ACTR3C: variants seen among roughly 807,000 people sequenced by gnomAD.
The protein encoded by ACTR3C is actin-related protein 3C.
A neutral mutation model predicts 26.3 loss-of-function variants in ACTR3C; 18 were observed. That is an observed-to-expected ratio of 0.68 (90% CI 0.47 to 1.01). ACTR3C has a LOEUF of 1.01. Ranked by LOEUF, ACTR3C falls within the 50% of genes least tolerant of loss-of-function variation. ACTR3C has a pLI of 0.00. For missense variants in ACTR3C, 184 were observed against 250.7 expected (o/e 0.73, Z 1.80); for synonymous variants, 55 against 94.5 (o/e 0.58, Z 2.42).
chr7:150,041,175 T>C, the ACTR3C span, among the ~76,000 whole-genome samples: 16 of 150,540 alleles, frequency 1.1e-4, no homozygotes, highest in African/African-American at 2.7e-4. Flanking sequence ...TTGCTGTTGT[T>C]GGGATCCCCA....
At chr7:149,928,945 C>T in the ACTR3C span, among the ~76,000 whole-genome samples, 1 of 152,154 alleles carries the variant, frequency 6.6e-6, no homozygotes, top group East Asian at 1.9e-4. Context: ...AACCCACTGA[C>T]AACAATGAGG....
the ACTR3C span, among the ~76,000 whole-genome samples, chr7:149,998,536 C>A: frequency 1.3e-5 from 2 of 148,902 alleles, no homozygotes; most frequent in African/African-American, 4.9e-5. Context: ...GTCCTTCACA[C>A]GGCAGCAGGA....
the ACTR3C span, among the ~76,000 whole-genome samples, chr7:150,161,813 A>G: frequency 6.6e-6 from 1 of 152,100 alleles, no homozygotes; most frequent in Non-Finnish European, 1.5e-5. Flanking sequence ...CCCAAGGATT[A>G]CCTTCCTTGG....
At chr7:150,039,181 C>CA in the ACTR3C span, among the ~76,000 whole-genome samples, 51 of 142,316 alleles carry the variant, frequency 3.6e-4, no homozygotes, top group East Asian at 2.3e-4. Context: ...TCTCAGTCCC[C>CA]GCCTCGCGGG....
chr7:149,981,017 T>C, the ACTR3C span, among the ~76,000 whole-genome samples: 1 of 150,994 alleles, frequency 6.6e-6, no homozygotes, highest in Non-Finnish European at 1.5e-5. Flanking sequence ...ACTGGTCAGC[T>C]CTGCAGGTGT....
the ACTR3C span, among the ~76,000 whole-genome samples, chr7:149,980,359 T>C: frequency 6.6e-6 from 1 of 152,196 alleles, no homozygotes; most frequent in Non-Finnish European, 1.5e-5. Context: ...CTGGGAGAAT[T>C]AGAAAATTTA....
intron 3 of ACTR3C, among the ~76,000 whole-genome samples, chr7:150,290,678 C>A (rs1266708722): frequency 6.6e-6 from 1 of 152,160 alleles, no homozygotes; most frequent in Non-Finnish European, 1.5e-5. Flanking sequence ...TTCTGATATA[C>A]CTAACTTCCA....
chr7:150,041,410 G>C, the ACTR3C span: 4 of 150,886 alleles, frequency 2.7e-5, 1 homozygote, highest in African/African-American at 1.0e-4. Context: ...GGTACCTGCC[G>C]TCGGAAGATT....
At chr7:149,957,899 C>T in the ACTR3C span, among the ~76,000 whole-genome samples, 1 of 152,058 alleles carries the variant, frequency 6.6e-6, no homozygotes, top group African/African-American at 2.4e-5. Flanking sequence ...AGAAGAGAGC[C>T]GCATAAATGG....
intron 6 of ACTR3C, among the ~76,000 whole-genome samples, chr7:150,280,818 G>GTATATA (rs1175868519): frequency 1.4e-5 from 2 of 141,038 alleles, no homozygotes; most frequent in African/African-American, 2.9e-5. Context: ...GTGTGTGTGT[G>GTATATA]TATATATATA....
chr7:150,056,651 G>C, the ACTR3C span, among the ~76,000 whole-genome samples: 1 of 151,626 alleles, frequency 6.6e-6, no homozygotes, highest in African/African-American at 2.4e-5. Flanking sequence ...CAACAACAGT[G>C]ACTCTCAGCT....
chr7:150,144,919 G>A, the ACTR3C span, among the ~76,000 whole-genome samples: 55 of 151,868 alleles, frequency 3.6e-4, no homozygotes, highest in African/African-American at 1.3e-3. This position sits in a 1 kb window ranked among gnomAD's most constrained non-coding sequence, Gnocchi z 4.6. Context: ...GCGTGGTGGC[G>A]TGCTCCTGTA....
the ACTR3C span, among the ~76,000 whole-genome samples, chr7:150,021,848 A>G: frequency 6.6e-6 from 1 of 151,550 alleles, no homozygotes; most frequent in Non-Finnish European, 1.5e-5. Context: ...TATATACCAC[A>G]TTTTCTTTCT....
the ACTR3C span, among the ~76,000 whole-genome samples, chr7:150,035,561 G>GA: frequency 2.6e-5 from 3 of 116,490 alleles, no homozygotes; most frequent in East Asian, 6.8e-4. Flanking sequence ...GGGGTCCGCA[G>GA]AGCCGGGGGG....
chr7:150,085,660 T>C, the ACTR3C span, among the ~76,000 whole-genome samples: 1 of 152,146 alleles, frequency 6.6e-6, no homozygotes, highest in Non-Finnish European at 1.5e-5. Context: ...GAACTTCAAG[T>C]GCCTGGATGA....
chr7:149,946,782 G>A, the ACTR3C span, among the ~76,000 whole-genome samples: 3 of 152,180 alleles, frequency 2.0e-5, no homozygotes. Context: ...CCCCGTGAAG[G>A]TGACATCATA....
At chr7:150,071,403 T>C in the ACTR3C span, among the ~76,000 whole-genome samples, 29 of 150,448 alleles carry the variant, frequency 1.9e-4, no homozygotes, top group Middle Eastern at 6.8e-3. Context: ...GGATTACAGG[T>C]GTGAGCCACT....
the ACTR3C span, among the ~76,000 whole-genome samples, chr7:150,090,997 C>G: frequency 6.6e-6 from 1 of 152,034 alleles, no homozygotes; most frequent in Non-Finnish European, 1.5e-5. Context: ...CATCCTTTCC[C>G]TTCTGAAAGG....
chr7:150,081,335 GA>G, the ACTR3C span, among the ~76,000 whole-genome samples: 1 of 151,524 alleles, frequency 6.6e-6, no homozygotes. Context: ...AAAGAAAAAG[GA>G]AGAAGGTAGA....
Sources: gnomAD v4.1 joint callset for allele counts (sites outside exome capture counted in the v4.1 genomes callset) on GRCh38, gnomAD v4.1.1 for gene constraint, Gnocchi (gnomAD v3.1) non-coding constraint, MANE v1.5 for transcripts, NCBI Gene and HGNC (gene_info 2026-07-23, HGNC 2026-07-21) for gene names.